Variants in CHCHD3 observed in about 807,000 individuals in gnomAD.
The protein encoded by CHCHD3 is coiled-coil-helix-coiled-coil-helix domain containing 3, also known as MICOS complex subunit MIC19.
CHCHD3 carries 20 observed loss-of-function variants against 38.2 expected under a neutral mutation model. The ratio of observed to expected loss-of-function variants is 0.52; its 90% confidence interval spans 0.37 to 0.76. The LOEUF (loss-of-function observed/expected upper bound fraction) is 0.76, where lower values mean the gene tolerates loss of function less well. Ranked by LOEUF, CHCHD3 falls within the 30% of genes least tolerant of loss-of-function variation. The pLI is 0.00. For missense variants in CHCHD3, 245 were observed against 279.2 expected (o/e 0.88, Z 0.87); for synonymous variants, 82 against 100.0 (o/e 0.82, Z 1.07).
In CHCHD3 at chr7:132,872,219, T is replaced by G. The variant is rs141132522; in HGVS notation, c.453+13443A>C. On this transcript the variant is annotated intron_variant, in intron 5 of 7. Transcript: ENST00000262570. ...ACATCTCTGACCTGAAACGAGAGAG[T>G]TGAAACAAGTGCACACTCAGTCTTA... Among the ~76,000 whole-genome samples the G allele has an allele frequency of 8.7e-4, 133 of 152,114 alleles. No homozygotes were observed. The Middle Eastern group carries it at 0.027, about 31-fold the overall frequency.
At chr7:132,988,656 G>A (rs1224760457) in intron 3 of CHCHD3, among the ~76,000 whole-genome samples, 1 of 152,134 alleles carries the variant, frequency 6.6e-6, no homozygotes, top group Non-Finnish European at 1.5e-5. Context: ...GCTCATGCCT[G>A]CAATCCCAGC....
At chr7:133,039,566 G>A (rs2117477627) in intron 2 of CHCHD3, among the ~76,000 whole-genome samples, 1 of 152,290 alleles carries the variant, frequency 6.6e-6, no homozygotes, top group South Asian at 2.1e-4. Flanking sequence ...GCTCTATATG[G>A]AAAAGAACTT....
intron 4 of CHCHD3, among the ~76,000 whole-genome samples, chr7:132,970,564 A>G (rs1232999880): frequency 6.6e-6 from 1 of 152,210 alleles, no homozygotes; most frequent in Admixed American, 6.5e-5. Flanking sequence ...TAGCATTTTT[A>G]AACATTATTT....
chr7:132,948,578 C>A (rs1810958272), intron 4 of CHCHD3, among the ~76,000 whole-genome samples: 1 of 152,046 alleles, frequency 6.6e-6, no homozygotes, highest in Admixed American at 6.6e-5. Flanking sequence ...TTATTACCAA[C>A]AACGATACCC....
At chr7:132,897,033 TCAAC>T in intron 4 of CHCHD3, among the ~76,000 whole-genome samples, 1 of 152,342 alleles carries the variant, frequency 6.6e-6, no homozygotes, top group East Asian at 1.9e-4. Flanking sequence ...CAGGGTGGTC[TCAAC>T]TCTAAACCAC....
chr7:132,911,572 A>G (rs934656197), intron 4 of CHCHD3, among the ~76,000 whole-genome samples: 2 of 152,246 alleles, frequency 1.3e-5, no homozygotes, highest in Admixed American at 6.5e-5. Flanking sequence ...AGAAGTGCAG[A>G]AGTAGTGATT....
intron 4 of CHCHD3, among the ~76,000 whole-genome samples, chr7:132,918,142 G>C (rs1454435055): frequency 6.6e-6 from 1 of 152,162 alleles, no homozygotes; most frequent in Non-Finnish European, 1.5e-5. Context: ...TTCATAATGA[G>C]TTAAGATCTC....
intron 6 of CHCHD3, among the ~76,000 whole-genome samples, chr7:132,810,170 GTGCAGCA>G (rs1807031474): frequency 6.6e-6 from 1 of 152,160 alleles, no homozygotes; most frequent in Non-Finnish European, 1.5e-5. Context: ...TAGAAAATAA[GTGCAGCA>G]TGCATCCAAG....
rs1562957067 is a variant in CHCHD3 at position 133,081,989 on chromosome 7, G to A, written c.-52C>T. The A allele has an allele frequency of 3.4e-6, 5 of 1,468,320 alleles. No individual in the cohort carries two copies. The African/African-American group carries it at 4.2e-5, about 12-fold the overall frequency. The allele number at this position is 1,468,320 out of a possible 1,614,324, so 91.0% of individuals were successfully genotyped here. Reference sequence around the variant, plus strand: ...CCTAGCGGGGAACCACGAGCACTTCGGGGCCCCCGCACCCACACGCGCGTG... The same window carrying A: ...CCTAGCGGGGAACCACGAGCACTTCAGGGCCCCCGCACCCACACGCGCGTG... On this transcript the variant is annotated 5_prime_UTR_variant, in exon 1 of 8. Coordinates refer to ENST00000262570, the MANE Select transcript of CHCHD3 (RefSeq NM_017812.4).
chr7:133,002,371 A>T (rs1446491188), intron 3 of CHCHD3, among the ~76,000 whole-genome samples: 1 of 152,156 alleles, frequency 6.6e-6, no homozygotes, highest in Non-Finnish European at 1.5e-5. Flanking sequence ...ACAGATTACT[A>T]AGAGACAAAG....
At chr7:133,034,302 G>A (rs1346242982) in intron 2 of CHCHD3, among the ~76,000 whole-genome samples, 2 of 152,066 alleles carry the variant, frequency 1.3e-5, no homozygotes, top group African/African-American at 4.8e-5. Flanking sequence ...ATTCCTTTTT[G>A]AAATTAAGGA....
chr7:132,842,978 G>A (rs368343850), intron 5 of CHCHD3, among the ~76,000 whole-genome samples: 8 of 152,242 alleles, frequency 5.3e-5, no homozygotes, highest in African/African-American at 1.9e-4. Flanking sequence ...GTATCCACTG[G>A]CGAGTCCTGC....
chr7:133,048,965 G>A (rs1276624751), intron 2 of CHCHD3, among the ~76,000 whole-genome samples: 1 of 152,208 alleles, frequency 6.6e-6, no homozygotes, highest in Non-Finnish European at 1.5e-5. Flanking sequence ...CCAGGCATCT[G>A]ATATCTTAGC....
chr7:133,031,971 A>G (rs1813516810), intron 2 of CHCHD3, among the ~76,000 whole-genome samples: 1 of 152,196 alleles, frequency 6.6e-6, no homozygotes, highest in Non-Finnish European at 1.5e-5. Context: ...TAATAATCAA[A>G]GCATCCATGC....
chr7:132,798,610 A>T (rs1806682750), intron 6 of CHCHD3, among the ~76,000 whole-genome samples: 1 of 152,160 alleles, frequency 6.6e-6, no homozygotes, highest in Non-Finnish European at 1.5e-5. Flanking sequence ...TTGACAACTG[A>T]TCGTGTCTCC....
At chr7:132,798,679 C>G (rs1267005485) in intron 6 of CHCHD3, among the ~76,000 whole-genome samples, 1 of 152,022 alleles carries the variant, frequency 6.6e-6, no homozygotes, top group Non-Finnish European at 1.5e-5. Context: ...CTAGAACAAC[C>G]CTGACCAGAT....
At chr7:132,855,437 T>G (rs1271822391) in intron 5 of CHCHD3, among the ~76,000 whole-genome samples, 1 of 152,158 alleles carries the variant, frequency 6.6e-6, no homozygotes, top group African/African-American at 2.4e-5. Flanking sequence ...GTTACACAGG[T>G]GAACAGAAAA....
In CHCHD3 at chr7:132,955,219, G is replaced by A. The variant is rs916087732; in HGVS notation, c.369+19950C>T. ...GTGTGTGTGTGTGTGTGTGTGTTGC[G>A]GGGTGGGCTGGAAGACATTCCTCAA... On this transcript the variant is annotated intron_variant, in intron 4 of 7. Coordinates refer to ENST00000262570, the MANE Select transcript of CHCHD3 (RefSeq NM_017812.4). Among the ~76,000 whole-genome samples the A allele has an allele frequency of 3.9e-4, 12 of 30,412 alleles. No homozygotes were observed. The East Asian group carries it at 0.011, about 28-fold the overall frequency. 20.0% of individuals were successfully genotyped at this position (30,412 alleles called of 152,430 possible).
intron 4 of CHCHD3, among the ~76,000 whole-genome samples, chr7:132,909,622 A>C (rs1271389146): frequency 6.6e-6 from 1 of 152,220 alleles, no homozygotes; most frequent in East Asian, 1.9e-4. Context: ...ATCTTGCCAA[A>C]ATTATCACTC....
Sources: allele counts gnomAD v4.1 joint callset (sites outside exome capture counted in the v4.1 genomes callset), GRCh38; gene constraint gnomAD v4.1.1; transcripts MANE v1.5; gene names NCBI Gene and HGNC (gene_info 2026-07-23, HGNC 2026-07-21).